The following CDH18 variants were observed in gnomAD, a reference collection of about 807,000 sequenced individuals.
CDH18 encodes the protein cadherin-18.
A neutral mutation model predicts 67.9 loss-of-function variants in CDH18; 31 were observed. The ratio of observed to expected loss-of-function variants is 0.46; its 90% CI spans 0.34 to 0.62. The LOEUF is 0.62. CDH18 is among the 20% of genes least tolerant of loss of function. CDH18 has a pLI of 0.01. For synonymous variants in CDH18, 362 were observed against 347.2 expected (o/e 1.04, Z -0.48); for missense variants, 890 against 975.5 (o/e 0.91, Z 1.17).
intron 2 of CDH18, among the ~76,000 whole-genome samples, chr5:19,924,618 T>C (rs2150179529): frequency 6.6e-6 from 1 of 152,264 alleles, no homozygotes; most frequent in South Asian, 2.1e-4. Flanking sequence ...AGAGCAAGAC[T>C]CTGTCTCAAA....
intron 8 of CDH18, among the ~76,000 whole-genome samples, chr5:19,547,960 A>T (rs1295713245): frequency 1.3e-5 from 2 of 152,176 alleles, no homozygotes; most frequent in Admixed American, 1.3e-4. Context: ...ACTATTCAAG[A>T]CTATTTTGAA....
chr5:19,478,532 T>C (rs988738423), intron 12 of CDH18: 1 of 152,164 alleles, frequency 6.6e-6, no homozygotes, highest in Non-Finnish European at 1.5e-5. Context: ...TCCATCTTCT[T>C]CTCTTAGTTC....
intron 1 of CDH18, among the ~76,000 whole-genome samples, chr5:20,366,301 C>T (rs1742513435): frequency 6.6e-6 from 1 of 152,152 alleles, no homozygotes. Context: ...CACCACCACC[C>T]ATTCACCAAG....
chr5:19,817,456 A>T (rs1779412843), intron 3 of CDH18, among the ~76,000 whole-genome samples: 1 of 152,066 alleles, frequency 6.6e-6, no homozygotes, highest in Middle Eastern at 3.2e-3. Flanking sequence ...GCAAAAAAGT[A>T]ACAAGAGACA....
chr5:19,688,456 A>G (rs950602105), intron 5 of CDH18, among the ~76,000 whole-genome samples: 35 of 152,192 alleles, frequency 2.3e-4, no homozygotes, highest in African/African-American at 8.4e-4. Flanking sequence ...AAGAAGGCAT[A>G]TGAAGACTAT....
chr5:20,049,441 A>G (rs1030183141), intron 2 of CDH18, among the ~76,000 whole-genome samples: 31 of 57,604 alleles, frequency 5.4e-4, no homozygotes, highest in Admixed American at 2.0e-3. Context: ...AATCTATACA[A>G]CAAACCCCCA....
intron 3 of CDH18, among the ~76,000 whole-genome samples, chr5:19,837,779 A>C (rs545524484): frequency 5.6e-5 from 8 of 141,984 alleles, no homozygotes; most frequent in Non-Finnish European, 1.2e-4. Flanking sequence ...TAGTACTAAC[A>C]GTGCTAAAGT....
chr5:20,059,774 A>G (rs1742297278), intron 2 of CDH18, among the ~76,000 whole-genome samples: 1 of 152,330 alleles, frequency 6.6e-6, no homozygotes. Flanking sequence ...ACACATATAC[A>G]CCATGGATTA....
chr5:20,085,622 G>C (rs1350515071), intron 2 of CDH18, among the ~76,000 whole-genome samples: 1 of 152,148 alleles, frequency 6.6e-6, no homozygotes, highest in African/African-American at 2.4e-5. Context: ...GGTTTAATTG[G>C]ACTTATAGTT....
intron 2 of CDH18, among the ~76,000 whole-genome samples, chr5:20,198,679 G>A (rs1008328238): frequency 6.6e-6 from 1 of 152,152 alleles, no homozygotes; most frequent in African/African-American, 2.4e-5. Flanking sequence ...CCAAGACTAT[G>A]GGAAAAATGT....
In CDH18 at chr5:19,787,809, TTA is replaced by T. The variant is rs35850823; in HGVS notation, c.229-40575_229-40574del. ...TCCAATGAATAGCAGTAATTTACAG[TTA>T]TATATATATATATATATGTTTACAT... On this transcript the variant is annotated intron_variant, in intron 3 of 12. Transcript: ENST00000382275. 9.3e-4 allele frequency among the ~76,000 whole-genome samples: 134 copies of T among 144,292 alleles called. 1 individual carries two copies. Among genetic ancestry groups the T allele is most frequent in the Middle Eastern group, 3.7e-3 (1 of 270 alleles). 94.7% of individuals were successfully genotyped at this position (144,292 alleles called of 152,430 possible).
At chr5:20,347,330 C>T (rs1207228369) in intron 1 of CDH18, among the ~76,000 whole-genome samples, 1 of 152,148 alleles carries the variant, frequency 6.6e-6, no homozygotes, top group African/African-American at 2.4e-5. Flanking sequence ...TGACTCTTGA[C>T]TGCCACACAA....
chr5:20,080,441 G>A (rs544059673), intron 2 of CDH18, among the ~76,000 whole-genome samples: 198 of 152,172 alleles, frequency 1.3e-3, no homozygotes, highest in Non-Finnish European at 2.2e-3. Flanking sequence ...CAACTGAGTC[G>A]CATGGCTAGA....
chr5:19,764,672 T>C (rs1232305166), intron 3 of CDH18, among the ~76,000 whole-genome samples: 1 of 151,480 alleles, frequency 6.6e-6, no homozygotes, highest in Non-Finnish European at 1.5e-5. Context: ...CACATATATG[T>C]ATATATATCT....
chr5:20,481,767 AAC>A (rs1397661584), intron 1 of CDH18, among the ~76,000 whole-genome samples: 1 of 152,120 alleles, frequency 6.6e-6, no homozygotes, highest in African/African-American at 2.4e-5. Flanking sequence ...AGAAAATTGA[AAC>A]ACAACATGCT....
intron 2 of CDH18, among the ~76,000 whole-genome samples, chr5:20,112,985 T>A (rs1298020649): frequency 6.6e-6 from 1 of 152,212 alleles, no homozygotes; most frequent in African/African-American, 2.4e-5. Context: ...AAAATTCTCA[T>A]GAAAAGAAGG....
intron 2 of CDH18, among the ~76,000 whole-genome samples, chr5:19,910,051 C>T (rs1790956577): frequency 1.3e-5 from 2 of 152,110 alleles, no homozygotes; most frequent in Non-Finnish European, 2.9e-5. Context: ...TTTTTCTCTT[C>T]TGTTAATGTT....
chr5:19,663,199 G>A (rs758407652), intron 5 of CDH18, among the ~76,000 whole-genome samples: 21 of 151,618 alleles, frequency 1.4e-4, no homozygotes, highest in Non-Finnish European at 2.2e-4. Flanking sequence ...TCCAAATAAC[G>A]ACAGAATTTT....
chr5:19,779,135 G>A (rs760531511), intron 3 of CDH18, among the ~76,000 whole-genome samples: 1 of 151,930 alleles, frequency 6.6e-6, no homozygotes, highest in Non-Finnish European at 1.5e-5. Flanking sequence ...TTTAATAGAG[G>A]GAAAACTGAG....
Sources: allele counts gnomAD v4.1 joint callset (sites outside exome capture counted in the v4.1 genomes callset), GRCh38; gene constraint gnomAD v4.1.1; transcripts MANE v1.5; gene names NCBI Gene and HGNC (gene_info 2026-07-23, HGNC 2026-07-21).